The following ACOXL variants were observed in gnomAD, a reference collection of about 807,000 sequenced individuals.
ACOXL encodes the protein acyl-CoA oxidase like.
ACOXL carries 70 observed loss-of-function variants against 71.9 expected under a neutral mutation model. That is an observed-to-expected ratio of 0.97 (90% CI 0.80 to 1.19). The LOEUF is 1.19. Ranked by LOEUF, ACOXL falls within the 50% of genes most tolerant of loss-of-function variation. The probability of loss-of-function intolerance (pLI) is 0.00; values close to 1 mark genes in which losing one functional copy is unlikely to be tolerated. For missense variants in ACOXL, 703 were observed against 736.3 expected (o/e 0.95, Z 0.52); for synonymous variants, 253 against 281.6 (o/e 0.90, Z 1.02).
intron 10 of ACOXL, among the ~76,000 whole-genome samples, chr2:110,865,816 A>G (rs964301838): frequency 6.6e-6 from 1 of 151,332 alleles, no homozygotes; most frequent in African/African-American, 2.4e-5. Context: ...AGCATAATCT[A>G]TCCATTGTCC....
At chr2:111,035,676 A>C (rs2065477655) in intron 15 of ACOXL, among the ~76,000 whole-genome samples, 1 of 152,236 alleles carries the variant, frequency 6.6e-6, no homozygotes, top group African/African-American at 2.4e-5. Flanking sequence ...AGAATATATA[A>C]TAATGTGGAT....
intron 14 of ACOXL, among the ~76,000 whole-genome samples, chr2:111,012,211 G>T (rs931190717): frequency 2.0e-5 from 3 of 152,174 alleles, no homozygotes; most frequent in African/African-American, 7.2e-5. Flanking sequence ...GCCTCTTGGT[G>T]CCATTTTTCC....
In ACOXL at chr2:110,869,552, G is replaced by A. The variant is rs142571576; in HGVS notation, c.788+28147G>A. ...GGGGCACATGCCAGCACTCTCCAGCGCTGGGGCTCGCATCTCTTCCAGCAA... is the reference window on the plus strand; with the variant it reads ...GGGGCACATGCCAGCACTCTCCAGCACTGGGGCTCGCATCTCTTCCAGCAA... On this transcript the variant is annotated intron_variant, in intron 10 of 17. Coordinates refer to ENST00000439055, the MANE Select transcript of ACOXL (RefSeq NM_001142807.4). 2.9e-4 allele frequency among the ~76,000 whole-genome samples: 44 copies of A among 152,260 alleles called. No individual in the cohort carries two copies. The South Asian group carries it at 8.1e-3, about 28-fold the overall frequency.
At chr2:111,072,652 C>A (rs1455476070) in intron 16 of ACOXL, among the ~76,000 whole-genome samples, 1 of 152,214 alleles carries the variant, frequency 6.6e-6, no homozygotes, top group Non-Finnish European at 1.5e-5. Flanking sequence ...GGGCCAGATA[C>A]TTTGTTGTGA....
At chr2:110,848,739 C>T (rs995080069) in intron 10 of ACOXL, among the ~76,000 whole-genome samples, 2 of 152,184 alleles carry the variant, frequency 1.3e-5, no homozygotes, top group African/African-American at 2.4e-5. Flanking sequence ...CCCAGTCAAA[C>T]CTGCTCATGA....
intron 12 of ACOXL, among the ~76,000 whole-genome samples, chr2:110,966,155 G>A (rs2061918188): frequency 6.6e-6 from 1 of 152,232 alleles, no homozygotes; most frequent in South Asian, 2.1e-4. Context: ...AGTGGCCTTA[G>A]TGGGGCTGAG....
intron 14 of ACOXL, among the ~76,000 whole-genome samples, chr2:111,008,585 C>A (rs979831512): frequency 2.0e-5 from 3 of 152,148 alleles, no homozygotes; most frequent in Non-Finnish European, 2.9e-5. Context: ...AGTGAATAAC[C>A]TTATTATATA....
chr2:110,794,266 C>A, intron 5 of ACOXL, 92 bp downstream of exon 5: 1 of 1,214,338 alleles, frequency 8.2e-7, no homozygotes, highest in Non-Finnish European at 1.2e-6. Flanking sequence ...TTCACACCCT[C>A]TGTGTGTGCT....
intron 5 of ACOXL, 66 bp downstream of exon 5, chr2:110,794,240 T>C: frequency 6.8e-7 from 1 of 1,464,450 alleles, no homozygotes; most frequent in East Asian, 2.3e-5. Flanking sequence ...CAGATCTCCT[T>C]CTTTCTGTGT....
At chr2:110,928,118 T>C (rs1257292508) in intron 11 of ACOXL, among the ~76,000 whole-genome samples, 2 of 152,256 alleles carry the variant, frequency 1.3e-5, no homozygotes, top group Non-Finnish European at 2.9e-5. Flanking sequence ...GCACTGTCCC[T>C]GCTGCTATCT....
intron 10 of ACOXL, among the ~76,000 whole-genome samples, chr2:110,896,319 T>TAA (rs1278131156): frequency 6.6e-6 from 1 of 151,778 alleles, no homozygotes; most frequent in East Asian, 1.9e-4. Context: ...GCAAGAAAAA[T>TAA]AAAACAGAAA....
At chr2:110,761,162 G>A (rs1680356397) in intron 1 of ACOXL, among the ~76,000 whole-genome samples, 1 of 152,152 alleles carries the variant, frequency 6.6e-6, no homozygotes, top group African/African-American at 2.4e-5. Context: ...TGCTTTCAAA[G>A]AGCCAGCTTT....
rs1011970959 is a variant in ACOXL, at chr2:111,111,723, A to G, written c.1543-5893A>G. Among the ~76,000 whole-genome samples the G allele has an allele frequency of 1.8e-4, 27 of 152,196 alleles. 1 individual carries two copies. Among genetic ancestry groups the G allele is most frequent in the African/African-American group, 6.0e-4 (25 of 41,448 alleles). On this transcript the variant is annotated intron_variant, in intron 17 of 17. Transcript: ENST00000439055. Reference sequence around the variant, plus strand: ...GTTTTAGGTAATGATGATTAAGCAAACTTTGTCATGGAAATACCAGAGTTA... The same window carrying G: ...GTTTTAGGTAATGATGATTAAGCAAGCTTTGTCATGGAAATACCAGAGTTA...
intron 16 of ACOXL, among the ~76,000 whole-genome samples, chr2:111,073,862 G>A (rs975227267): frequency 6.6e-6 from 1 of 152,112 alleles, no homozygotes; most frequent in Admixed American, 6.5e-5. Context: ...ATTAACAAAT[G>A]TACTATGTTG....
At chr2:110,815,650 A>G (rs903916883) in intron 9 of ACOXL, among the ~76,000 whole-genome samples, 2 of 152,192 alleles carry the variant, frequency 1.3e-5, no homozygotes, top group African/African-American at 2.4e-5. Flanking sequence ...AGTGGGGAGA[A>G]TGTTGCCTGC....
rs550977534 is a variant in ACOXL, at chr2:110,876,965, G to A, written c.789-31824G>A. The stretch of plus-strand genomic sequence containing the variant: ...ATATTGAAACTGAGCCTGGTAGGCC[G>A]GAGCTTAAGTCTCTCTACTACTCCC... On this transcript the variant is annotated intron_variant, in intron 10 of 17. Coordinates refer to ENST00000439055, the MANE Select transcript of ACOXL (RefSeq NM_001142807.4). 6.6e-5 allele frequency among the ~76,000 whole-genome samples: 10 copies of A among 152,300 alleles called. No individual in the cohort carries two copies. In the East Asian group the frequency reaches 7.7e-4, roughly 12 times the overall value.
intron 10 of ACOXL, among the ~76,000 whole-genome samples, chr2:110,895,865 C>A (rs1360754572): frequency 3.3e-5 from 5 of 151,942 alleles, no homozygotes; most frequent in Non-Finnish European, 7.4e-5. Flanking sequence ...CTAAAAGAAT[C>A]CTAAAAGAAT....
intron 12 of ACOXL, among the ~76,000 whole-genome samples, chr2:110,974,949 G>A (rs2062378358): frequency 6.6e-6 from 1 of 152,206 alleles, no homozygotes; most frequent in South Asian, 2.1e-4. Context: ...GATGTGGTTT[G>A]GGGTAGGACA....
intron 12 of ACOXL, among the ~76,000 whole-genome samples, chr2:110,945,682 A>G (rs1327065875): frequency 6.6e-6 from 1 of 151,954 alleles, no homozygotes; most frequent in Non-Finnish European, 1.5e-5. Flanking sequence ...TGGGCTCTCT[A>G]TTCTGTTCCA....
Sources: gnomAD v4.1 joint callset for allele counts (sites outside exome capture counted in the v4.1 genomes callset) on GRCh38, gnomAD v4.1.1 for gene constraint, MANE v1.5 for transcripts, NCBI Gene and HGNC (gene_info 2026-07-23, HGNC 2026-07-21) for gene names.